NRXN3: variants seen among roughly 807,000 people sequenced by gnomAD.
NRXN3 encodes neurexin 3.
In NRXN3, 32 loss-of-function variants were observed where a neutral mutation model predicts 137.6. That is an observed-to-expected ratio of 0.23 (90% CI 0.18 to 0.31). The LOEUF is 0.31. Among genes scored for constraint, NRXN3 ranks in the 10% least tolerant of loss-of-function variants. NRXN3 has a pLI of 1.00. For missense variants in NRXN3, 1,574 were observed against 2,062.5 expected (o/e 0.76, Z 4.59); for synonymous variants, 798 against 784.5 (o/e 1.02, Z -0.29).
At chr14:78,994,105 C>T (rs567420694) in intron 15 of NRXN3, among the ~76,000 whole-genome samples, 8 of 151,966 alleles carry the variant, frequency 5.3e-5, no homozygotes, top group African/African-American at 1.2e-4. Context: ...CCGCCTGCCT[C>T]GGCCTCCCAA....
chr14:78,492,972 C>G (rs141510178), intron 4 of NRXN3, among the ~76,000 whole-genome samples: 1 of 152,262 alleles, frequency 6.6e-6, no homozygotes, highest in East Asian at 1.9e-4. Context: ...ACATTTTTAA[C>G]CCTCTGATTT....
At chr14:79,808,644 C>T (rs1185294546) in intron 20 of NRXN3, among the ~76,000 whole-genome samples, 1 of 152,114 alleles carries the variant, frequency 6.6e-6, no homozygotes, top group Non-Finnish European at 1.5e-5. Flanking sequence ...TATTTTCTAG[C>T]TGTCTCCGTT....
intron 17 of NRXN3, among the ~76,000 whole-genome samples, chr14:79,671,438 T>C (rs980293966): frequency 6.6e-6 from 1 of 152,110 alleles, no homozygotes; most frequent in Non-Finnish European, 1.5e-5. Context: ...GAAGTCAGCA[T>C]TTCCTTGGGC....
chr14:79,444,569 A>G (rs2096023747), intron 15 of NRXN3, among the ~76,000 whole-genome samples: 1 of 152,250 alleles, frequency 6.6e-6, no homozygotes, highest in South Asian at 2.1e-4. Flanking sequence ...CCACACTTGC[A>G]ATCCCATTAC....
Position 78,709,491 on chromosome 14 carries a change from G to A in NRXN3, c.1496G>A (p.Ser499Asn). The A allele has an allele frequency of 6.2e-7, 1 of 1,614,104 alleles. No homozygotes were observed. The highest frequency in any genetic ancestry group is 1.3e-5 in the African/African-American group (1 of 75,028). ...GKPQERKDAR[S>N]QKNTKVDFFA... is the part of the protein sequence containing the mutation. ...CCCCAAGAGAGGAAGGATGCTCGGA[G>A]CCAGAAGAATACAAAAGTAGACTTC... Residue 499 changes from serine (S) to asparagine (N), a missense_variant, in exon 7 of 21, where the codon AGC (serine) becomes AAC (asparagine). By Grantham distance (46) the Ser-to-Asn change is conservative. Coordinates refer to ENST00000335750, the MANE Select transcript of NRXN3 (RefSeq NM_001330195.2).
chr14:79,844,343 A>G (rs752856592), intron 20 of NRXN3, among the ~76,000 whole-genome samples: 1 of 150,394 alleles, frequency 6.6e-6, no homozygotes, highest in Non-Finnish European at 1.5e-5. Context: ...TCTTAATGGT[A>G]TCTAGAATGG....
intron 4 of NRXN3, among the ~76,000 whole-genome samples, chr14:78,618,968 C>T (rs2097372355): frequency 6.6e-6 from 1 of 152,156 alleles, no homozygotes; most frequent in Admixed American, 6.5e-5. Flanking sequence ...ATGTATGACC[C>T]CTTAATGCAA....
chr14:78,596,739 A>G (rs1388968690), intron 4 of NRXN3, among the ~76,000 whole-genome samples: 1 of 152,200 alleles, frequency 6.6e-6, no homozygotes, highest in Non-Finnish European at 1.5e-5. Context: ...GACACATGGC[A>G]TCTTATTCAG....
At chr14:79,540,919 G>A (rs986770505) in intron 16 of NRXN3, among the ~76,000 whole-genome samples, 6 of 151,244 alleles carry the variant, frequency 4.0e-5, no homozygotes, top group African/African-American at 1.5e-4. Flanking sequence ...TTTTTCTTTT[G>A]TCACAGTTCT....
At chr14:78,620,520 A>G (rs977004697) in intron 4 of NRXN3, among the ~76,000 whole-genome samples, 2 of 152,212 alleles carry the variant, frequency 1.3e-5, no homozygotes, top group African/African-American at 4.8e-5. Context: ...AACAGCAGAT[A>G]TGGCCAAAGG....
At chr14:78,366,857 A>C (rs1372975116) in intron 4 of NRXN3, among the ~76,000 whole-genome samples, 1 of 152,240 alleles carries the variant, frequency 6.6e-6, no homozygotes. Context: ...GCGTGGACAC[A>C]GCCAAGCCAT....
intron 19 of NRXN3, among the ~76,000 whole-genome samples, chr14:79,761,684 CAAA>C (rs10599873): frequency 0.41 from 31,171 of 75,362 alleles, 2,460 homozygotes; most frequent in Middle Eastern, 0.49. Context: ...GACTCTGTCT[CAAA>C]AAAAAAAAAA....
chr14:78,174,867 C>T (rs545726957), intron 1 of NRXN3, among the ~76,000 whole-genome samples: 63 of 152,180 alleles, frequency 4.1e-4, no homozygotes, highest in African/African-American at 1.5e-3. Context: ...GACTGGTGGG[C>T]GGATACAGAT....
At chr14:79,671,107 A>G (rs2153998839) in intron 17 of NRXN3, among the ~76,000 whole-genome samples, 1 of 152,236 alleles carries the variant, frequency 6.6e-6, no homozygotes, top group Non-Finnish European at 1.5e-5. Context: ...TCCCCACTTC[A>G]TGGGCAGCAT....
chr14:78,576,950 G>A (rs79252205), intron 4 of NRXN3, among the ~76,000 whole-genome samples: 2 of 152,146 alleles, frequency 1.3e-5, no homozygotes, highest in Non-Finnish European at 2.9e-5. Context: ...CTGATTCTGG[G>A]AATGATTTAT....
intron 19 of NRXN3, among the ~76,000 whole-genome samples, chr14:79,800,399 G>A (rs2099174382): frequency 6.6e-6 from 1 of 152,168 alleles, no homozygotes; most frequent in Non-Finnish European, 1.5e-5. Flanking sequence ...CCTAAATGTA[G>A]CCAGTGTTTA....
chr14:79,649,474 A>G (rs1299977458), intron 16 of NRXN3, among the ~76,000 whole-genome samples: 2 of 152,194 alleles, frequency 1.3e-5, no homozygotes, highest in Non-Finnish European at 2.9e-5. Context: ...TTTTGCCATT[A>G]TCAAGGAAAT....
intron 4 of NRXN3, among the ~76,000 whole-genome samples, chr14:78,340,446 T>A (rs930345686): frequency 6.6e-6 from 1 of 152,160 alleles, no homozygotes; most frequent in Non-Finnish European, 1.5e-5. Flanking sequence ...ATTCAGTGGG[T>A]TGACTCAGAA....
intron 10 of NRXN3, among the ~76,000 whole-genome samples, chr14:78,956,624 G>A (rs116387039): frequency 1.3e-5 from 2 of 152,124 alleles, no homozygotes; most frequent in Non-Finnish European, 2.9e-5. Flanking sequence ...AATTCTGGGG[G>A]CCCTCACATT....
Sources: gnomAD v4.1 joint callset for allele counts (sites outside exome capture counted in the v4.1 genomes callset) on GRCh38, gnomAD v4.1.1 for gene constraint, MANE v1.5 for transcripts, NCBI Gene and HGNC (gene_info 2026-07-23, HGNC 2026-07-21) for gene names.